Variants in SLC6A16 observed in about 807,000 individuals in gnomAD.
SLC6A16 encodes solute carrier family 6 member 16.
Under a neutral mutation model 65.4 loss-of-function variants are expected in SLC6A16, and 54 were observed. The observed-to-expected ratio is 0.83, with a 90% CI of 0.66 to 1.04. The LOEUF is 1.04. SLC6A16 is among the 50% of genes least tolerant of loss of function. SLC6A16 has a pLI of 0.00. For missense variants in SLC6A16, 816 were observed against 914.0 expected (o/e 0.89, Z 1.38); for synonymous variants, 330 against 346.5 (o/e 0.95, Z 0.53).
At chr19:49,330,786 A>T in the SLC6A16 span, among the ~76,000 whole-genome samples, 1 of 152,122 alleles carries the variant, frequency 6.6e-6, no homozygotes, top group Admixed American at 6.5e-5. Flanking sequence ...TACTAAAAAT[A>T]CAAAAATTAG....
intron 1 of SLC6A16, among the ~76,000 whole-genome samples, chr19:49,314,979 T>C (rs1291931025): frequency 6.6e-6 from 1 of 152,020 alleles, no homozygotes; most frequent in Admixed American, 6.6e-5. Context: ...GGAAGTTTCT[T>C]CTAAGATAGC....
the SLC6A16 span, among the ~76,000 whole-genome samples, chr19:49,334,032 C>T: frequency 2.0e-5 from 3 of 148,098 alleles, no homozygotes; most frequent in East Asian, 1.9e-4. Flanking sequence ...CACGGCCCAG[C>T]GCCCTCCCCA....
rs938586621 is a variant in SLC6A16, at chr19:49,309,374, A to G, written c.914T>C (p.Ile305Thr). 5.6e-6 allele frequency: 9 copies of G among 1,614,052 alleles called. No individual in the cohort carries two copies. The highest frequency in any genetic ancestry group is 4.0e-5 in the African/African-American group (3 of 74,924). ...TAGAGTCCGGATGAAGAAACCGACA[A>G]TGATGAAACAGGGGAGCAGTACCAA... is the stretch of plus-strand genomic sequence containing the variant. ...YVLVLLPCFI[I>T]VGFFIRTLLL... The change falls in exon 6 of 12, where the codon ATT becomes ACT. Residue 305 changes from isoleucine (I) to threonine (T), a missense_variant. Ile to Thr is a moderately conservative substitution (Grantham distance 89). Transcript: ENST00000335875.
chr19:49,309,556 C>T, intron 5 of SLC6A16, 95 bp downstream of exon 5: 1 of 1,344,894 alleles, frequency 7.4e-7, no homozygotes, highest in South Asian at 1.2e-5. Flanking sequence ...GAGTAAAAGC[C>T]AAAGGAGTAA....
chr19:49,336,025 G>C, the SLC6A16 span: 1 of 573,546 alleles, frequency 1.7e-6, no homozygotes, highest in Non-Finnish European at 3.1e-6. Context: ...CGGGACTTGT[G>C]GCTGGTCAGA....
Position 49,302,883 on chromosome 19 carries a change from A to C in SLC6A16, c.1229+5993T>G, listed in dbSNP as rs187339110. On this transcript the variant is annotated intron_variant, in intron 7 of 11. Coordinates refer to ENST00000335875, the MANE Select transcript of SLC6A16 (RefSeq NM_014037.3). ...GGCTTCAACAGCTGACTAGAAAAGC[A>C]GAAGAAAGAATAAGCAAATTCAAAG... is the stretch of plus-strand genomic sequence containing the variant. 1.7e-3 allele frequency among the ~76,000 whole-genome samples: 256 copies of C among 152,356 alleles called. 1 individual carries two copies. Among genetic ancestry groups the C allele is most frequent in the African/African-American group, 5.7e-3 (239 of 41,596 alleles).
At chr19:49,294,074 A>G (rs1970135612) in intron 8 of SLC6A16, 46 bp from the exon 9 acceptor site, 5 of 1,499,922 alleles carry the variant, frequency 3.3e-6, no homozygotes, top group East Asian at 2.3e-5. Context: ...GAACTAAACA[A>G]TAACAAAAAA....
At chr19:49,338,661 C>A in the SLC6A16 span, 1 of 1,463,000 alleles carries the variant, frequency 6.8e-7, no homozygotes, top group Non-Finnish European at 9.5e-7. The surrounding 1 kb of genome is among the most constrained non-coding windows in gnomAD (Gnocchi z 5.0). Flanking sequence ...CATCATATGT[C>A]TCCAGTCCCG....
intron 11 of SLC6A16, 66 bp from the exon 12 acceptor site, chr19:49,290,458 G>A: frequency 1.3e-6 from 2 of 1,578,040 alleles, no homozygotes; most frequent in Non-Finnish European, 1.7e-6. Context: ...GAGTTGTGGA[G>A]GGGAAGGATG....
At chr19:49,329,275 G>C (rs1427014299), upstream of SLC6A16, among the ~76,000 whole-genome samples, 2 of 152,038 alleles carry the variant, frequency 1.3e-5, no homozygotes, top group African/African-American at 4.8e-5. Context: ...TTTTAGTAGA[G>C]ACGGGGTTTC....
At chr19:49,339,794 G>T in the SLC6A16 span, 1 of 1,361,748 alleles carries the variant, frequency 7.3e-7, no homozygotes. This position sits in a 1 kb window ranked among gnomAD's most constrained non-coding sequence, Gnocchi z 4.5. Flanking sequence ...CACAGCGGCA[G>T]TCTGTGGGGT....
At chr19:49,325,693 T>C (rs556372562), upstream of SLC6A16, among the ~76,000 whole-genome samples, 4 of 152,316 alleles carry the variant, frequency 2.6e-5, no homozygotes, top group African/African-American at 9.6e-5. Flanking sequence ...TACTTTCCGG[T>C]CTCTTAAGAA....
At chr19:49,302,622 TC>T (rs776545032) in intron 7 of SLC6A16, among the ~76,000 whole-genome samples, 1 of 152,124 alleles carries the variant, frequency 6.6e-6, no homozygotes, top group Non-Finnish European at 1.5e-5. Context: ...ACAATAAACT[TC>T]CATTAGCTGA....
chr19:49,305,592 CAA>C (rs566209079), intron 7 of SLC6A16, among the ~76,000 whole-genome samples: 6 of 106,964 alleles, frequency 5.6e-5, no homozygotes, highest in African/African-American at 7.6e-5. Context: ...AGATCTGTCT[CAA>C]AAAAAAAAAA....
At position 49,309,935 on chromosome 19, in the gene SLC6A16, T is replaced by C. The variant is rs2146130016; in HGVS notation, c.700+105A>G. On this transcript the variant is annotated intron_variant, in intron 4 of 11. Transcript: ENST00000335875. ...TTTCCCTCTCCCATTTCTTTTTCCT[T>C]CTTCTTCCTCTTCCTTGTCCCTCCC... 5 of 1,501,204 alleles carry C rather than the reference T, an allele frequency of 3.3e-6. No individual in the cohort carries two copies. The South Asian group carries it at 6.1e-5, about 18-fold the overall frequency. 93.0% of individuals were successfully genotyped at this position (1,501,204 alleles called of 1,614,324 possible). A position where few individuals can be genotyped will look rare whatever the true frequency, so the allele number is the denominator to read the frequency against.
intron 1 of SLC6A16, among the ~76,000 whole-genome samples, chr19:49,315,291 C>T (rs1454303287): frequency 6.6e-6 from 1 of 152,164 alleles, no homozygotes; most frequent in African/African-American, 2.4e-5. Flanking sequence ...TGCCAAAGAC[C>T]TTCTGCTCCA....
In SLC6A16 at chr19:49,292,185, G is replaced by C. The variant is rs183775719; in HGVS notation, c.1778+1038C>G. Among the ~76,000 whole-genome samples the C allele has an allele frequency of 3.3e-3, 507 of 152,200 alleles. 4 individuals are homozygous for C. Among genetic ancestry groups the C allele is most frequent in the African/African-American group, 0.012 (487 of 41,526 alleles). On this transcript the variant is annotated intron_variant, in intron 10 of 11. Coordinates refer to ENST00000335875, the MANE Select transcript of SLC6A16 (RefSeq NM_014037.3). This position sits in a 1 kb window ranked among gnomAD's most constrained non-coding sequence, Gnocchi z 4.3. ...AGTTCGAGACCAGCCTGGCCAACATGGTGAAACCCCGTCTCTACTAAGAAT... is the reference window on the plus strand; with the variant it reads ...AGTTCGAGACCAGCCTGGCCAACATCGTGAAACCCCGTCTCTACTAAGAAT...
At chr19:49,339,368 C>T in the SLC6A16 span, 1 of 1,614,076 alleles carries the variant, frequency 6.2e-7, no homozygotes, top group Non-Finnish European at 8.5e-7. The surrounding 1 kb of genome is among the most constrained non-coding windows in gnomAD (Gnocchi z 4.5). Flanking sequence ...TGCACAACAA[C>T]CTTATTTCCA....
chr19:49,294,562 A>G lies in SLC6A16; in HGVS notation c.1230-9T>C. ...AAAGTATTTCAGCATTCCTGGGGAT[A>G]GAGGGTTGAATCAAATCGAACCATT... On this transcript the variant is annotated splice_polypyrimidine_tract_variant and intron_variant, in intron 7 of 11. Transcript: ENST00000335875. The G allele has an allele frequency of 6.3e-7, 1 of 1,591,240 alleles. No individual in the cohort carries two copies. The highest frequency in any genetic ancestry group is 8.5e-7 in the Non-Finnish European group (1 of 1,169,814).
Sources: allele counts gnomAD v4.1 joint callset (sites outside exome capture counted in the v4.1 genomes callset), GRCh38; gene constraint gnomAD v4.1.1; non-coding constraint Gnocchi (gnomAD v3.1); transcripts MANE v1.5; gene names NCBI Gene and HGNC (gene_info 2026-07-23, HGNC 2026-07-21).